MSR1: variants seen among roughly 807,000 people sequenced by gnomAD.
The protein encoded by MSR1 is macrophage scavenger receptor types I and II.
In MSR1, 53 loss-of-function variants were observed where a neutral mutation model predicts 47.2. The ratio of observed to expected loss-of-function variants is 1.12; its 90% CI spans 0.90 to 1.41. The LOEUF is 1.41. Among genes scored for constraint, MSR1 ranks in the 40% most tolerant of loss-of-function variants. The pLI is 0.00. For synonymous variants in MSR1, 239 were observed against 185.6 expected (o/e 1.29, Z -2.34); for missense variants, 786 against 546.9 (o/e 1.44, Z -4.36).
At position 16,155,097 on chromosome 8, in the gene MSR1, C is replaced by G; in HGVS notation, c.865G>C (p.Glu289Gln). The change falls in exon 6 of 10, where the codon GAA (glutamate) becomes CAA (glutamine). Residue 289 changes from glutamate (E) to glutamine (Q), a missense_variant. Physicochemically the swap from Glu to Gln is conservative, Grantham distance 29. Coordinates refer to ENST00000262101, the MANE Select transcript of MSR1 (RefSeq NM_138715.3). Reference sequence around the variant, plus strand: ...CCTGGAAATCCTCGTGGACCACTTTCTCCAGTGGGACCTCGATCTCCTTTT... The same window carrying G: ...CCTGGAAATCCTCGTGGACCACTTTGTCCAGTGGGACCTCGATCTCCTTTT... ...GEKGDRGPTG[E>Q]SGPRGFPGPI... 1 of 1,612,348 alleles carries G rather than the reference C, an allele frequency of 6.2e-7. No homozygotes were observed. Among genetic ancestry groups the G allele is most frequent in the Admixed American group, 1.7e-5 (1 of 59,832 alleles).
In MSR1 at chr8:16,177,892, G is replaced by A. The variant is rs1554473795; in HGVS notation, c.97C>T (p.Pro33Ser). 1 of 1,613,660 alleles carries A rather than the reference G, an allele frequency of 6.2e-7. No individual in the cohort carries two copies. Among genetic ancestry groups the A allele is most frequent in the Admixed American group, 1.7e-5 (1 of 60,002 alleles). The stretch of plus-strand genomic sequence containing the variant: ...CCCATCCCCCTCTACTTACTCGGAG[G>A]AAGCAAAGCTGTCATTGAGCGAGCA... ...FDARSMTALL[P>S]PNPKNSPSLQ... is the part of the protein sequence containing the mutation. The change falls in exon 2 of 10, where the codon CCT becomes TCT. Residue 33 changes from proline (P) to serine (S), a missense_variant. Pro to Ser is a moderately conservative substitution (Grantham distance 74). Coordinates refer to ENST00000262101, the MANE Select transcript of MSR1 (RefSeq NM_138715.3).
At chr8:16,126,908 G>A (rs1161184270) in intron 8 of MSR1, among the ~76,000 whole-genome samples, 5 of 152,086 alleles carry the variant, frequency 3.3e-5, no homozygotes, top group Admixed American at 6.6e-5. Context: ...CTCATGGGGA[G>A]AACACCAGAG....
chr8:16,113,265 T>A (rs374211531), intron 9 of MSR1, among the ~76,000 whole-genome samples: 10,584 of 151,994 alleles, frequency 0.07, 469 homozygotes, highest in African/African-American at 0.12. Flanking sequence ...CACCTCTTTT[T>A]AAAAAATGAA....
At chr8:16,145,471 T>C (rs1015365599) in intron 7 of MSR1, among the ~76,000 whole-genome samples, 3 of 152,102 alleles carry the variant, frequency 2.0e-5, no homozygotes, top group African/African-American at 7.2e-5. Flanking sequence ...AACTTCACAA[T>C]GAGAAAAGAG....
intron 5 of MSR1, among the ~76,000 whole-genome samples, chr8:16,157,627 G>A (rs914252607): frequency 6.6e-6 from 1 of 151,824 alleles, no homozygotes; most frequent in Non-Finnish European, 1.5e-5. Flanking sequence ...AATGTTTTAA[G>A]TGTCTTTTAG....
rs920260779 is a variant in MSR1 at position 16,139,975 on chromosome 8, G to A, written c.1033+3583C>T. On this transcript the variant is annotated intron_variant, in intron 8 of 9. Coordinates refer to ENST00000262101, the MANE Select transcript of MSR1 (RefSeq NM_138715.3). Reference sequence around the variant, plus strand: ...TAGCTTAGATGTATTGTAATTGCTTGTTCATTTGTCTACATCTCTTAGGGA... The same window carrying A: ...TAGCTTAGATGTATTGTAATTGCTTATTCATTTGTCTACATCTCTTAGGGA... 8 of 477,920 alleles carry A rather than the reference G, an allele frequency of 1.7e-5. No individual in the cohort carries two copies. The South Asian group carries it at 2.7e-4, about 16-fold the overall frequency. 29.6% of individuals were successfully genotyped at this position (477,920 alleles called of 1,614,324 possible).
intron 8 of MSR1, among the ~76,000 whole-genome samples, chr8:16,141,998 G>A (rs925672811): frequency 2.0e-5 from 3 of 152,060 alleles, no homozygotes; most frequent in African/African-American, 7.2e-5. Context: ...AGTAAATGGA[G>A]TGAAAAGGAG....
intron 3 of MSR1, among the ~76,000 whole-genome samples, chr8:16,169,453 T>A (rs952983214): frequency 6.6e-6 from 1 of 152,214 alleles, no homozygotes; most frequent in South Asian, 2.1e-4. Flanking sequence ...AGCAGGAAAT[T>A]GGGCAAATAC....
chr8:16,138,984 T>C (rs889011046), intron 8 of MSR1, among the ~76,000 whole-genome samples: 8 of 152,168 alleles, frequency 5.3e-5, no homozygotes, highest in African/African-American at 1.9e-4. Flanking sequence ...TGGACTCTTG[T>C]TTTATTAGCC....
chr8:16,133,180 C>T (rs1035580329), intron 8 of MSR1, among the ~76,000 whole-genome samples: 6 of 152,242 alleles, frequency 3.9e-5, no homozygotes, highest in East Asian at 1.9e-4. Flanking sequence ...TACTTCTCAA[C>T]ATAAGCTCCA....
intron 8 of MSR1, among the ~76,000 whole-genome samples, chr8:16,141,253 T>C (rs1040930600): frequency 4.6e-5 from 7 of 152,130 alleles, no homozygotes; most frequent in Admixed American, 2.0e-4. Context: ...AATGGTAAAA[T>C]GTATGTAACC....
chr8:16,171,459 A>G (rs536431214), intron 3 of MSR1, among the ~76,000 whole-genome samples: 1 of 152,130 alleles, frequency 6.6e-6, no homozygotes, highest in Non-Finnish European at 1.5e-5. Flanking sequence ...GTTACTCTAC[A>G]TGTCTTAACG....
At chr8:16,142,172 A>G (rs999011949) in intron 8 of MSR1, among the ~76,000 whole-genome samples, 10 of 151,858 alleles carry the variant, frequency 6.6e-5, no homozygotes, top group African/African-American at 2.4e-4. Flanking sequence ...CTACTAAATA[A>G]CAAAAATTAG....
chr8:16,128,713 A>G (rs1800185374), intron 8 of MSR1, among the ~76,000 whole-genome samples: 1 of 152,156 alleles, frequency 6.6e-6, no homozygotes, highest in Non-Finnish European at 1.5e-5. Context: ...TCTTTAATTT[A>G]TAGGTGGAGT....
At chr8:16,136,362 C>T (rs1317409073) in intron 8 of MSR1, among the ~76,000 whole-genome samples, 2 of 152,082 alleles carry the variant, frequency 1.3e-5, no homozygotes, top group Non-Finnish European at 2.9e-5. Context: ...CCGGAAGGTT[C>T]AAATGATTGT....
chr8:16,135,981 A>T (rs1308746273), intron 8 of MSR1, among the ~76,000 whole-genome samples: 1 of 151,820 alleles, frequency 6.6e-6, no homozygotes, highest in Non-Finnish European at 1.5e-5. Context: ...GTTGCTTCTT[A>T]TGGATGAGCA....
chr8:16,176,127 T>A (rs1178632692), intron 2 of MSR1, among the ~76,000 whole-genome samples: 1 of 152,218 alleles, frequency 6.6e-6, no homozygotes, highest in Non-Finnish European at 1.5e-5. Context: ...AAATGTTGCT[T>A]TCAGGTTGCA....
At position 16,167,827 on chromosome 8, in the gene MSR1, TTCTC is replaced by T. The variant is rs530378448; in HGVS notation, c.630+627_630+630del. ...ATGGACAGTTTCTTCTTTGTACACT[TTCTC>T]TAATCTTTCTATAGCCCAAGGCTTT... On this transcript the variant is annotated intron_variant, in intron 4 of 9. Transcript: ENST00000262101. Among the ~76,000 whole-genome samples the T allele has an allele frequency of 1.6e-3, 248 of 152,342 alleles. 2 individuals are homozygous for T. The highest frequency in any genetic ancestry group is 5.7e-3 in the African/African-American group (237 of 41,582).
intron 8 of MSR1, among the ~76,000 whole-genome samples, chr8:16,124,105 A>G (rs905825839): frequency 1.3e-5 from 2 of 152,152 alleles, no homozygotes; most frequent in African/African-American, 4.8e-5. Context: ...TCTTAGTGAT[A>G]GTTTCTAAAA....
Sources: allele counts gnomAD v4.1 joint callset (sites outside exome capture counted in the v4.1 genomes callset), GRCh38; gene constraint gnomAD v4.1.1; transcripts MANE v1.5; gene names NCBI Gene and HGNC (gene_info 2026-07-23, HGNC 2026-07-21).